KDM2B: variants seen among roughly 807,000 people sequenced by gnomAD.
The protein encoded by KDM2B is lysine demethylase 2B, also known as lysine-specific demethylase 2B.
KDM2B carries 26 observed loss-of-function variants against 150.0 expected under a neutral mutation model. The ratio of observed to expected loss-of-function variants is 0.17; its 90% CI spans 0.13 to 0.24. The LOEUF (loss-of-function observed/expected upper bound fraction) is 0.24. Among genes scored for constraint, KDM2B ranks in the 10% least tolerant of loss-of-function variants. The pLI, the probability that KDM2B is intolerant of heterozygous loss-of-function variation, is 1.00. For missense variants in KDM2B, 1,265 were observed against 1,816.9 expected, an observed-to-expected ratio of 0.70 and a Z score of 5.52; for synonymous variants, 734 against 729.5, an observed-to-expected ratio of 1.01 and a Z score of -0.10.
chr12:121,451,889 G>A (rs1877347442), intron 13 of KDM2B, among the ~76,000 whole-genome samples: 1 of 151,730 alleles, frequency 6.6e-6, no homozygotes, highest in Non-Finnish European at 1.5e-5. Context: ...TCCAGCCTGG[G>A]CAACAGAGCA....
intron 6 of KDM2B, among the ~76,000 whole-genome samples, chr12:121,542,393 C>T (rs60596688): frequency 1.3e-5 from 2 of 152,244 alleles, no homozygotes; most frequent in Non-Finnish European, 2.9e-5. Context: ...ACTCCACCCC[C>T]CTTGGCCTCC....
downstream of KDM2B, among the ~76,000 whole-genome samples, chr12:121,428,200 T>C (rs1232299144): frequency 1.3e-5 from 2 of 151,826 alleles, no homozygotes; most frequent in Admixed American, 1.3e-4. Flanking sequence ...ATGAGATCTT[T>C]CTCTTTTTTT....
In KDM2B at chr12:121,513,718, CAG is replaced by C. The variant is rs1306015399; in HGVS notation, c.1048-318_1048-317del. Among the ~76,000 whole-genome samples, 1 of 152,166 alleles carries C rather than the reference CAG, an allele frequency of 6.6e-6. No individual in the cohort carries two copies. The highest frequency in any genetic ancestry group is 6.5e-5 in the Admixed American group (1 of 15,280). On this transcript the variant is annotated intron_variant, in intron 9 of 22. Coordinates refer to ENST00000377071, the MANE Select transcript of KDM2B (RefSeq NM_032590.5). This position sits in a 1 kb window ranked among gnomAD's most constrained non-coding sequence, Gnocchi z 5.0. ...ACAGAATTCTCCCCTGACCTGCCTG[CAG>C]AGAGTGTGGGCACCTGCAGGTGGGA...
chr12:121,430,583 C>G lies in KDM2B; in HGVS notation c.3830-114G>C. 1.4e-6 allele frequency: 1 copy of G among 719,992 alleles called. No homozygotes were observed. The highest frequency in any genetic ancestry group is 1.6e-5 in the South Asian group (1 of 61,962). 44.6% of individuals were successfully genotyped at this position (719,992 alleles called of 1,614,324 possible). On this transcript the variant is annotated intron_variant, in intron 22 of 22. Transcript: ENST00000377071. This position sits in a 1 kb window ranked among gnomAD's most constrained non-coding sequence, Gnocchi z 4.4. Reference sequence around the variant, plus strand: ...AGGTCAGAGCTCTACATATTCCAGTCCCTGCTGTGCTGCACTAAATAAAAT... The same window carrying G: ...AGGTCAGAGCTCTACATATTCCAGTGCCTGCTGTGCTGCACTAAATAAAAT...
At chr12:121,554,013 A>G (rs1475836577) in intron 4 of KDM2B, among the ~76,000 whole-genome samples, 1 of 143,714 alleles carries the variant, frequency 7.0e-6, no homozygotes, top group African/African-American at 2.5e-5. Context: ...CAGCCTGGGT[A>G]ATATAGTGAC....
chr12:121,571,160 A>C (rs1331241003), intron 4 of KDM2B, among the ~76,000 whole-genome samples: 4 of 152,226 alleles, frequency 2.6e-5, no homozygotes, highest in African/African-American at 9.6e-5. Flanking sequence ...CACAAGGCAG[A>C]TTAGCAGTCA....
intron 1 of KDM2B, chr12:121,579,926 A>T: frequency 6.6e-7 from 1 of 1,515,862 alleles, no homozygotes; most frequent in Non-Finnish European, 8.8e-7. Context: ...AGGAAAGAAA[A>T]GGCAGCGAGA....
rs1007342486 is a variant in KDM2B at position 121,537,687 on chromosome 12, G to C, written c.684-3097C>G. On this transcript the variant is annotated intron_variant, in intron 6 of 22. Transcript: ENST00000377071. This position sits in a 1 kb window ranked among gnomAD's most constrained non-coding sequence, Gnocchi z 8.7. ...TTGGCGTAACTCCCCCGGTGGCTCG[G>C]GAGGCGTCCCCGTGGGGAAAGGGCC... The C allele has an allele frequency of 6.6e-6, 1 of 151,990 alleles. No individual in the cohort carries two copies. Among genetic ancestry groups the C allele is most frequent in the Non-Finnish European group, 1.5e-5 (1 of 67,944 alleles). 9.4% of individuals were successfully genotyped at this position (151,990 alleles called of 1,614,324 possible).
the KDM2B span, chr12:121,418,091 T>C: frequency 1.5e-6 from 1 of 667,142 alleles, no homozygotes; most frequent in Non-Finnish European, 2.5e-6. Flanking sequence ...TCTGCTGAGG[T>C]GCTAGGTGGC....
At chr12:121,443,652 C>A in intron 17 of KDM2B, 28 bp downstream of exon 17, 1 of 1,443,298 alleles carries the variant, frequency 6.9e-7, no homozygotes, top group Non-Finnish European at 9.7e-7. Context: ...TCCCCGGGGC[C>A]TCAGGAGGGC....
chr12:121,549,733 G>T lies in KDM2B; in HGVS notation c.398-95C>A. ...CACTAAACAAAAGCTGCTCCTCCAC[G>T]TTTCCCCACAGTCCTCACCCCTCTT... On this transcript the variant is annotated intron_variant, in intron 4 of 22. Transcript: ENST00000377071. The surrounding 1 kb of genome is among the most constrained non-coding windows in gnomAD (Gnocchi z 4.4). 1 of 1,156,238 alleles carries T rather than the reference G, an allele frequency of 8.6e-7. No homozygotes were observed. 71.6% of individuals were successfully genotyped at this position (1,156,238 alleles called of 1,614,324 possible). A position where few individuals can be genotyped will look rare whatever the true frequency, so the allele number is the denominator to read the frequency against.
chr12:121,532,444 A>T (rs1555307978), intron 8 of KDM2B, among the ~76,000 whole-genome samples: 1 of 152,200 alleles, frequency 6.6e-6, no homozygotes, highest in African/African-American at 2.4e-5. Context: ...TAAGTGGTCG[A>T]TCCAGAATTC....
At chr12:121,507,495 T>C (rs1389995274) in intron 11 of KDM2B, among the ~76,000 whole-genome samples, 1 of 152,238 alleles carries the variant, frequency 6.6e-6, no homozygotes, top group Non-Finnish European at 1.5e-5. Flanking sequence ...GATTCCCCTG[T>C]GGGGAAGGAG....
chr12:121,538,621 A>C (rs1206213174), intron 6 of KDM2B, among the ~76,000 whole-genome samples: 4 of 152,088 alleles, frequency 2.6e-5, no homozygotes, highest in African/African-American at 9.7e-5. Flanking sequence ...ATACATATTC[A>C]CCGCATCATC....
Position 121,534,533 on chromosome 12 carries a change from G to A in KDM2B, c.741C>T (p.Gly247=), listed in dbSNP as rs370143480. The change falls in exon 7 of 23, where the codon GGC becomes GGT. Residue 247 remains glycine (G), a synonymous_variant. Transcript: ENST00000377071. ...CFTDFHIDFG[G]TSVWYHVFRG... ...GGAAAACATGGTACCAAACGGAAGT[G>A]CCTCCAAAGTCGATGTGGAAGTCGG... is the stretch of plus-strand genomic sequence containing the variant. 8.7e-6 allele frequency: 14 copies of A among 1,613,996 alleles called. No homozygotes were observed. In the African/African-American group the frequency reaches 1.6e-4, roughly 18 times the overall value.
At position 121,575,494 on chromosome 12, in the gene KDM2B, T is replaced by C. The variant is rs1436565192; in HGVS notation, c.350+287A>G. 6.6e-6 allele frequency among the ~76,000 whole-genome samples: 1 copy of C among 152,084 alleles called. No homozygotes were observed. The highest frequency in any genetic ancestry group is 2.4e-5 in the African/African-American group (1 of 41,408). On this transcript the variant is annotated intron_variant, in intron 3 of 22. Transcript: ENST00000377071. The surrounding 1 kb of genome is among the most constrained non-coding windows in gnomAD (Gnocchi z 4.4). ...CAAGGGGAAGGAGGAGAGGTACAAT[T>C]CTCTGTAGGAGGTCACTGAGTGTAA...
In KDM2B at chr12:121,580,899, G is replaced by C; in HGVS notation, c.13C>G (p.Gln5Glu). The C allele has an allele frequency of 1.2e-6, 2 of 1,613,752 alleles. No homozygotes were observed. The highest frequency in any genetic ancestry group is 1.7e-6 in the Non-Finnish European group (2 of 1,179,866). Reference protein sequence around the residue: MAGPQMGGSAEDHPP... With the variant: MAGPEMGGSAEDHPP... ...TGATCCTCTGCAGATCCCCCCATTT[G>C]CGGACCCGCCATGTGGAGGAGGCAT... The change falls in exon 1 of 23, where the codon CAA (glutamine) becomes GAA (glutamate). Residue 5 changes from glutamine to glutamate, a missense_variant. By Grantham distance (29) the Gln-to-Glu change is conservative. Transcript: ENST00000377071.
At chr12:121,435,038 A>AAG (rs1491334892) in intron 22 of KDM2B, among the ~76,000 whole-genome samples, 5 of 32,394 alleles carry the variant, frequency 1.5e-4, no homozygotes, top group Admixed American at 2.8e-4. Flanking sequence ...CAACAAAGGG[A>AAG]AAAAAAAAAA....
chr12:121,568,049 G>A (rs1295999607), intron 4 of KDM2B, among the ~76,000 whole-genome samples: 1 of 151,894 alleles, frequency 6.6e-6, no homozygotes, highest in Non-Finnish European at 1.5e-5. Flanking sequence ...AATTGTTGTT[G>A]AAGCCCCCAT....
Sources: allele counts gnomAD v4.1 joint callset (sites outside exome capture counted in the v4.1 genomes callset), GRCh38; gene constraint gnomAD v4.1.1; non-coding constraint Gnocchi (gnomAD v3.1); transcripts MANE v1.5; gene names NCBI Gene and HGNC (gene_info 2026-07-23, HGNC 2026-07-21).